TMEM132B: variants seen among roughly 807,000 people sequenced by gnomAD.
TMEM132B encodes transmembrane protein 132B.
A neutral mutation model predicts 90.8 loss-of-function variants in TMEM132B; 18 were observed. The ratio of observed to expected loss-of-function variants is 0.20; its 90% confidence interval spans 0.14 to 0.29. The LOEUF (loss-of-function observed/expected upper bound fraction) is 0.29, where lower values mean the gene tolerates loss of function less well. Ranked by LOEUF, TMEM132B falls within the 10% of genes least tolerant of loss-of-function variation. The probability of loss-of-function intolerance (pLI) is 1.00; values close to 1 mark genes in which losing one functional copy is unlikely to be tolerated. For missense variants in TMEM132B, 1,096 were observed against 1,326.8 expected, an observed-to-expected ratio of 0.83 and a Z score of 2.70; for synonymous variants, 504 against 523.3, an observed-to-expected ratio of 0.96 and a Z score of 0.50.
At chr12:125,308,001 A>ATG (rs1364321164) in intron 1 of TMEM132B, among the ~76,000 whole-genome samples, 1 of 139,476 alleles carries the variant, frequency 7.2e-6, no homozygotes, top group Non-Finnish European at 1.5e-5. Context: ...AAATATATAT[A>ATG]AGTAATATAA....
chr12:125,302,698 A>G (rs1875863187), intron 1 of TMEM132B, among the ~76,000 whole-genome samples: 1 of 152,212 alleles, frequency 6.6e-6, no homozygotes, highest in African/African-American at 2.4e-5. Flanking sequence ...TGCCACTTTA[A>G]CCATTTTTAA....
intron 1 of TMEM132B, among the ~76,000 whole-genome samples, chr12:125,337,020 C>T (rs1176747374): frequency 6.6e-6 from 1 of 152,220 alleles, no homozygotes; most frequent in Non-Finnish European, 1.5e-5. Context: ...GTCAAAATTA[C>T]TGTCACTAAG....
chr12:125,290,501 T>C (rs1483702570), intron 1 of TMEM132B, among the ~76,000 whole-genome samples: 2 of 152,220 alleles, frequency 1.3e-5, no homozygotes, highest in Non-Finnish European at 2.9e-5. Flanking sequence ...TATCCATATA[T>C]GTAATCATAA....
chr12:125,581,994 A>G (rs1274519957), intron 4 of TMEM132B, among the ~76,000 whole-genome samples: 2 of 152,132 alleles, frequency 1.3e-5, no homozygotes, highest in African/African-American at 4.8e-5. Flanking sequence ...TTAAAATTTC[A>G]TCCAGAATAG....
At chr12:125,637,171 T>G (rs1028514503) in intron 5 of TMEM132B, among the ~76,000 whole-genome samples, 4 of 152,220 alleles carry the variant, frequency 2.6e-5, no homozygotes, top group Admixed American at 1.3e-4. Context: ...GTGCTCTACA[T>G]TTCTGAGTTG....
intron 3 of TMEM132B, among the ~76,000 whole-genome samples, chr12:125,439,784 G>A (rs1880814415): frequency 6.6e-6 from 1 of 152,160 alleles, no homozygotes; most frequent in South Asian, 2.1e-4. Flanking sequence ...TCCCCATTCA[G>A]TATGATGTTG....
chr12:125,563,789 G>T (rs1043910399), intron 4 of TMEM132B, among the ~76,000 whole-genome samples: 2 of 152,136 alleles, frequency 1.3e-5, no homozygotes, highest in Non-Finnish European at 2.9e-5. Flanking sequence ...ACACAAAGGA[G>T]AAATACAGAG....
intron 1 of TMEM132B, among the ~76,000 whole-genome samples, chr12:125,219,289 G>T (rs961996741): frequency 2.6e-5 from 4 of 152,208 alleles, no homozygotes; most frequent in Non-Finnish European, 5.9e-5. Context: ...GGTCTCTGCA[G>T]AATTCTATTA....
At position 125,619,660 on chromosome 12, in the gene TMEM132B, C is replaced by T. The variant is rs11058269; in HGVS notation, c.1438-24416C>T. ...GATTACAGGCGTGAGCCACCATGCC[C>T]GGCCCTGCTGTGGCATTTAACTGGG... On this transcript the variant is annotated intron_variant, in intron 5 of 8. Transcript: ENST00000682704. Among the ~76,000 whole-genome samples, 106 of 152,210 alleles carry T rather than the reference C, an allele frequency of 7.0e-4. No homozygotes were observed. The East Asian group carries it at 0.011, about 16-fold the overall frequency.
chr12:125,235,441 ATT>A (rs5801590), intron 1 of TMEM132B, among the ~76,000 whole-genome samples: 15 of 140,800 alleles, frequency 1.1e-4, no homozygotes, highest in Admixed American at 2.8e-4. Context: ...TTGCTGCTGG[ATT>A]TTTTTTTTTT....
intron 3 of TMEM132B, among the ~76,000 whole-genome samples, chr12:125,482,867 T>C (rs1198436644): frequency 1.3e-5 from 2 of 152,076 alleles, no homozygotes; most frequent in Non-Finnish European, 2.9e-5. Flanking sequence ...AATGATAGAC[T>C]GGATTAAGAA....
At chr12:125,639,232 G>A (rs1886567363) in intron 5 of TMEM132B, among the ~76,000 whole-genome samples, 1 of 152,130 alleles carries the variant, frequency 6.6e-6, no homozygotes, top group South Asian at 2.1e-4. Flanking sequence ...AAGGCCAATT[G>A]ACCACTGGGA....
rs1235646573 is a variant in TMEM132B, at chr12:125,349,055, CGT to C, written c.68-394_68-393del. 6.6e-6 allele frequency among the ~76,000 whole-genome samples: 1 copy of C among 152,170 alleles called. No individual in the cohort carries two copies. Among genetic ancestry groups the C allele is most frequent in the Non-Finnish European group, 1.5e-5 (1 of 68,022 alleles). On this transcript the variant is annotated intron_variant, in intron 1 of 8. Transcript: ENST00000682704. The surrounding 1 kb of genome is among the most constrained non-coding windows in gnomAD (Gnocchi z 4.1). ...AAATATCAAAGTAATAAGGCACTAA[CGT>C]GTCACATACAATGGTGCAATGCCTG...
chr12:125,383,789 G>A (rs963304636), intron 2 of TMEM132B, among the ~76,000 whole-genome samples: 3 of 152,206 alleles, frequency 2.0e-5, no homozygotes, highest in East Asian at 3.8e-4. Context: ...CTAGATAGGC[G>A]AAGGCTCTAA....
At chr12:125,351,650 G>C (rs1314382299) in intron 2 of TMEM132B, among the ~76,000 whole-genome samples, 1 of 152,198 alleles carries the variant, frequency 6.6e-6, no homozygotes, top group East Asian at 1.9e-4. Flanking sequence ...GCAGAAAGCG[G>C]CTATCATCCC....
chr12:125,644,381 A>G (rs1014889540), intron 6 of TMEM132B, 100 bp downstream of exon 6: 3 of 1,334,638 alleles, frequency 2.2e-6, no homozygotes, highest in Non-Finnish European at 3.1e-6. Flanking sequence ...TTGGGAAGCA[A>G]CATCCACAGC....
chr12:125,301,883 C>CAAAACAAAACAAAAG (rs1357070495), intron 1 of TMEM132B: 2 of 149,688 alleles, frequency 1.3e-5, no homozygotes, highest in African/African-American at 5.0e-5. Flanking sequence ...CGTCTCAAAA[C>CAAAACAAAACAAAAG]AAAACAAAAC....
At chr12:125,575,360 C>T (rs1884918521) in intron 4 of TMEM132B, among the ~76,000 whole-genome samples, 1 of 151,562 alleles carries the variant, frequency 6.6e-6, no homozygotes, top group Non-Finnish European at 1.5e-5. Flanking sequence ...ATTAATATAT[C>T]TTCTTTTGGA....
chr12:125,246,400 T>C lies in TMEM132B; in HGVS notation c.67+59534T>C, dbSNP rs1241123982. On this transcript the variant is annotated intron_variant, in intron 1 of 8. Transcript: ENST00000682704. This position sits in a 1 kb window ranked among gnomAD's most constrained non-coding sequence, Gnocchi z 4.2. Reference sequence around the variant, plus strand: ...GGGGACTCGTTCTGTTCTGAGGAAGTCAGCTTCCTGGGCTGCGTCTCTCAT... The same window carrying C: ...GGGGACTCGTTCTGTTCTGAGGAAGCCAGCTTCCTGGGCTGCGTCTCTCAT... 6.6e-6 allele frequency among the ~76,000 whole-genome samples: 1 copy of C among 152,226 alleles called. No homozygotes were observed. The highest frequency in any genetic ancestry group is 1.5e-5 in the Non-Finnish European group (1 of 68,028).
Sources: allele counts gnomAD v4.1 joint callset (sites outside exome capture counted in the v4.1 genomes callset), GRCh38; gene constraint gnomAD v4.1.1; non-coding constraint Gnocchi (gnomAD v3.1); transcripts MANE v1.5; gene names NCBI Gene and HGNC (gene_info 2026-07-23, HGNC 2026-07-21).